Variants in OBI1 observed in about 807,000 individuals in gnomAD.
The protein encoded by OBI1 is ring finger protein 219.
A neutral mutation model predicts 62.4 loss-of-function variants in OBI1; 59 were observed. The observed-to-expected ratio is 0.95, with a 90% CI of 0.77 to 1.17. The LOEUF is 1.17. Among genes scored for constraint, OBI1 ranks in the 50% most tolerant of loss-of-function variants. OBI1 has a pLI of 0.00. For synonymous variants in OBI1, 302 were observed against 292.8 expected (o/e 1.03, Z -0.32); for missense variants, 875 against 830.9 (o/e 1.05, Z -0.65).
chr13:78,641,366 C>T (rs1007272620), intron 3 of OBI1, among the ~76,000 whole-genome samples: 4 of 152,062 alleles, frequency 2.6e-5, no homozygotes, highest in Admixed American at 1.3e-4. Context: ...TGTATTTATA[C>T]CCCACTGCAT....
intron 4 of OBI1, among the ~76,000 whole-genome samples, chr13:78,637,274 C>T (rs1195886580): frequency 6.6e-6 from 1 of 152,032 alleles, no homozygotes; most frequent in Non-Finnish European, 1.5e-5. Context: ...CTCTGCAGTC[C>T]ATGTTTTTTC....
chr13:78,639,002 T>A lies in OBI1; in HGVS notation c.370A>T (p.Ile124Phe). 1 of 1,613,972 alleles carries A rather than the reference T, an allele frequency of 6.2e-7. No individual in the cohort carries two copies. Among genetic ancestry groups the A allele is most frequent in the African/African-American group, 1.3e-5 (1 of 75,052 alleles). ...KSKNLSLESQ[I>F]KTILDPLTLV... ...GTTAAAGGATCCAGAATAGTTTTGA[T>A]CTGTGACTCCAAGCTGAGATTTTTA... Residue 124 changes from isoleucine (I) to phenylalanine (F), a missense_variant, in exon 4 of 6, where the codon ATC becomes TTC. By Grantham distance (21) the Ile-to-Phe change is conservative. Coordinates refer to ENST00000282003, the MANE Select transcript of OBI1 (RefSeq NM_024546.4).
At chr13:78,631,842 T>C (rs1875861876) in intron 5 of OBI1, among the ~76,000 whole-genome samples, 1 of 152,170 alleles carries the variant, frequency 6.6e-6, no homozygotes, top group Non-Finnish European at 1.5e-5. Context: ...AGGTACAGTA[T>C]AGCAGAGGAG....
Position 78,652,719 on chromosome 13 carries a change from A to C in OBI1, c.72+6330T>G, listed in dbSNP as rs1177987386. ...CACAATCTAGATCCCTTGCATGCAC[A>C]GTTCACATTTGGGTTCATGCTCCTA... On this transcript the variant is annotated intron_variant, in intron 1 of 5. Coordinates refer to ENST00000282003, the MANE Select transcript of OBI1 (RefSeq NM_024546.4). Among the ~76,000 whole-genome samples, 6 of 152,294 alleles carry C rather than the reference A, an allele frequency of 3.9e-5. No homozygotes were observed. In the South Asian group the frequency reaches 6.2e-4, roughly 16 times the overall value.
At chr13:78,625,214 A>T (rs1875631098) in intron 5 of OBI1, among the ~76,000 whole-genome samples, 1 of 152,212 alleles carries the variant, frequency 6.6e-6, no homozygotes, top group African/African-American at 2.4e-5. Flanking sequence ...AGAGAAATTA[A>T]AGGACTTACA....
At chr13:78,640,434 T>C (rs2137455199) in intron 3 of OBI1, among the ~76,000 whole-genome samples, 1 of 152,266 alleles carries the variant, frequency 6.6e-6, no homozygotes, top group East Asian at 1.9e-4. Context: ...ATTATTTTTA[T>C]ATATATTTAT....
chr13:78,656,997 C>G (rs1338333103), intron 1 of OBI1, among the ~76,000 whole-genome samples: 1 of 151,748 alleles, frequency 6.6e-6, no homozygotes, highest in Non-Finnish European at 1.5e-5. Flanking sequence ...ATTGGCCATG[C>G]TGGTCTCAAA....
chr13:78,652,905 C>T (rs2137469993), intron 1 of OBI1, among the ~76,000 whole-genome samples: 1 of 152,206 alleles, frequency 6.6e-6, no homozygotes, highest in Non-Finnish European at 1.5e-5. Flanking sequence ...AGGGTATATC[C>T]CCCAGGTGTA....
intron 1 of OBI1, among the ~76,000 whole-genome samples, chr13:78,655,748 G>GT (rs1332482470): frequency 6.6e-6 from 1 of 152,148 alleles, no homozygotes; most frequent in Non-Finnish European, 1.5e-5. Flanking sequence ...GGGACATATG[G>GT]TAACAGTAGC....
chr13:78,644,917 C>T lies in OBI1; in HGVS notation c.153G>A (p.Gln51=). The change falls in exon 2 of 6, where the codon CAG becomes CAA. Residue 51 remains glutamine (Q), a synonymous_variant. Coordinates refer to ENST00000282003, the MANE Select transcript of OBI1 (RefSeq NM_024546.4). ...CIDLWLKNNS[Q]CPACRVPITP... is the part of the protein sequence containing the mutation. ...TGATGGGGACTCTGCAAGCTGGACA[C>T]TGGCTATTATTCTTCAACCACAAAT... 3.1e-6 allele frequency: 5 copies of T among 1,614,002 alleles called. No homozygotes were observed. Among genetic ancestry groups the T allele is most frequent in the Non-Finnish European group, 4.2e-6 (5 of 1,179,946 alleles).
At position 78,617,089 on chromosome 13, in the gene OBI1, G is replaced by C. The variant is rs756350409; in HGVS notation, c.672C>G (p.Ser224=). 3.8e-6 allele frequency: 6 copies of C among 1,575,082 alleles called. No individual in the cohort carries two copies. In the South Asian group the frequency reaches 5.9e-5, roughly 16 times the overall value. Residue 224 remains serine, a synonymous_variant, in exon 6 of 6, where the codon TCC becomes TCG. Coordinates refer to ENST00000282003, the MANE Select transcript of OBI1 (RefSeq NM_024546.4). ...TTTCACGCTCATACTGTTCTACTTT[G>C]GACTGAAGAGCAGCAACTGCAAACC... ...FGRFAVAALQ[S]KVEQYERETN...
At chr13:78,656,883 C>T (rs1359487832) in intron 1 of OBI1, among the ~76,000 whole-genome samples, 1 of 149,690 alleles carries the variant, frequency 6.7e-6, no homozygotes, top group Non-Finnish European at 1.5e-5. Flanking sequence ...CTACAACCTC[C>T]GCCTCCCAGG....
chr13:78,623,008 G>C (rs1283213265), intron 5 of OBI1, among the ~76,000 whole-genome samples: 1 of 152,114 alleles, frequency 6.6e-6, no homozygotes, highest in African/African-American at 2.4e-5. Context: ...ATATGTGTTG[G>C]GAGGGTAGAG....
At chr13:78,620,795 A>G (rs762269045) in intron 5 of OBI1, 1 of 363,562 alleles carries the variant, frequency 2.8e-6, no homozygotes, top group South Asian at 2.1e-5. Flanking sequence ...CTCATAGTCT[A>G]TCACACAGAA....
chr13:78,643,451 T>C (rs1313530788), intron 2 of OBI1, among the ~76,000 whole-genome samples: 1 of 152,180 alleles, frequency 6.6e-6, no homozygotes, highest in Non-Finnish European at 1.5e-5. Context: ...TCCTACTAGT[T>C]CTTCTTTTGC....
rs779166269 is a variant in OBI1, at chr13:78,642,206, T to C, written c.216A>G (p.Thr72=). The C allele has an allele frequency of 6.3e-7, 1 of 1,596,520 alleles. No homozygotes were observed. Among genetic ancestry groups the C allele is most frequent in the South Asian group, 1.1e-5 (1 of 89,234 alleles). Residue 72 remains threonine, a synonymous_variant, in exon 3 of 6, where the codon ACA becomes ACG. Coordinates refer to ENST00000282003, the MANE Select transcript of OBI1 (RefSeq NM_024546.4). ...GGCTTAGCATAGGTTCACTTTCACTTGTTCCTCCTGTAGGGAAAAAAAAAA... is the reference window on the plus strand; with the variant it reads ...GGCTTAGCATAGGTTCACTTTCACTCGTTCCTCCTGTAGGGAAAAAAAAAA... ...ENPCKEIIGG[T]SESEPMLSHT...
At chr13:78,651,314 T>C (rs1876535737) in intron 1 of OBI1, among the ~76,000 whole-genome samples, 1 of 152,234 alleles carries the variant, frequency 6.6e-6, no homozygotes, top group East Asian at 1.9e-4. Flanking sequence ...CAGAGCTACC[T>C]TCCTAAAATA....
chr13:78,636,506 ATTAC>A (rs1306610339), intron 4 of OBI1, among the ~76,000 whole-genome samples: 11 of 152,244 alleles, frequency 7.2e-5, no homozygotes, highest in Non-Finnish European at 1.5e-4. Flanking sequence ...TTCTGACTGT[ATTAC>A]TTACTTACCC....
rs76384429 is a variant in OBI1, at chr13:78,646,594, C to T, written c.73-1597G>A. On this transcript the variant is annotated intron_variant, in intron 1 of 5. Coordinates refer to ENST00000282003, the MANE Select transcript of OBI1 (RefSeq NM_024546.4). ...CTAATAGTAATTACAGTATAGAACC[C>T]TTCTGCACTAGGAACTGGAAGACTA... Among the ~76,000 whole-genome samples, 333 of 152,174 alleles carry T rather than the reference C, an allele frequency of 2.2e-3. 1 individual carries two copies. The highest frequency in any genetic ancestry group is 6.8e-3 in the African/African-American group (282 of 41,534).
Sources: allele counts gnomAD v4.1 joint callset (sites outside exome capture counted in the v4.1 genomes callset), GRCh38; gene constraint gnomAD v4.1.1; transcripts MANE v1.5; gene names NCBI Gene and HGNC (gene_info 2026-07-23, HGNC 2026-07-21).